Variants in SORL1 observed in about 807,000 individuals in gnomAD.
SORL1 encodes the protein sortilin-related receptor.
A neutral mutation model predicts 273.7 loss-of-function variants in SORL1; 127 were observed. The observed-to-expected ratio is 0.46, with a 90% confidence interval of 0.40 to 0.54. The LOEUF is 0.54. Ranked by LOEUF, SORL1 falls within the 20% of genes least tolerant of loss-of-function variation. The probability of loss-of-function intolerance (pLI) is 0.00; values close to 1 mark genes in which losing one functional copy is unlikely to be tolerated. For synonymous variants in SORL1, 1,031 were observed against 1,067.4 expected, an observed-to-expected ratio of 0.97 and a Z score of 0.66; for missense variants, 2,494 against 2,846.1, an observed-to-expected ratio of 0.88 and a Z score of 2.81.
At position 121,629,841 on chromosome 11, in the gene SORL1, C is replaced by A. The variant is rs914908107; in HGVS notation, c.*278C>A. 7.7e-6 allele frequency: 3 copies of A among 389,134 alleles called. No homozygotes were observed. The highest frequency in any genetic ancestry group is 4.1e-5 in the African/African-American group (2 of 48,450). 24.1% of individuals were successfully genotyped at this position (389,134 alleles called of 1,614,324 possible). A position where few individuals can be genotyped will look rare whatever the true frequency, so the allele number is the denominator to read the frequency against. ...GTGCTTGCTGGGCATGCTTTTACGT[C>A]TGTGAGATAATTTCGGTTCAGTAAA... On this transcript the variant is annotated 3_prime_UTR_variant, in exon 48 of 48. Coordinates refer to ENST00000260197, the MANE Select transcript of SORL1 (RefSeq NM_003105.6).
intron 31 of SORL1, 74 bp downstream of exon 31, chr11:121,591,230 C>T (rs1863210200): frequency 1.3e-6 from 2 of 1,529,588 alleles, no homozygotes; most frequent in African/African-American, 1.4e-5. Flanking sequence ...GTGCTCTGGG[C>T]ACAATCCAAC....
rs1862026676 is a variant in SORL1, at chr11:121,520,683, A to G, written c.1238A>G (p.Asp413Gly). ...TATTTTGCAAATGAACCATTTGCTG[A>G]CTTCCACCGAGTGGAAGGATTGCAA... ...VRYFANEPFA[D>G]FHRVEGLQGV... Residue 413 changes from aspartate (D) to glycine (G), a missense_variant, in exon 9 of 48, where the codon GAC becomes GGC. Asp to Gly is a moderately conservative substitution (Grantham distance 94). Transcript: ENST00000260197. 2.5e-6 allele frequency: 4 copies of G among 1,581,368 alleles called. No homozygotes were observed. Among genetic ancestry groups the G allele is most frequent in the East Asian group, 2.3e-5 (1 of 43,738 alleles).
intron 11 of SORL1, among the ~76,000 whole-genome samples, chr11:121,524,996 A>G (rs1862100246): frequency 1.3e-5 from 2 of 152,220 alleles, no homozygotes; most frequent in South Asian, 4.1e-4. Flanking sequence ...ATAAGGGGAC[A>G]GTACACTGCA....
At chr11:121,497,908 T>G (rs186929119) in intron 6 of SORL1, among the ~76,000 whole-genome samples, 31 of 152,294 alleles carry the variant, frequency 2.0e-4, no homozygotes, top group Non-Finnish European at 3.5e-4. Context: ...AATCTTTTCC[T>G]TCAGATTCTC....
At chr11:121,584,250 A>C (rs182294910) in intron 26 of SORL1, among the ~76,000 whole-genome samples, 1 of 152,350 alleles carries the variant, frequency 6.6e-6, no homozygotes, top group East Asian at 1.9e-4. Context: ...ATTACATCAA[A>C]TGTGTCTCTA....
chr11:121,608,395 C>T, intron 38 of SORL1: 1 of 525,796 alleles, frequency 1.9e-6, no homozygotes, highest in Non-Finnish European at 3.4e-6. Context: ...TTGAGCATTT[C>T]TTCTAATGCA....
At chr11:121,610,332 G>C (rs888254321) in intron 38 of SORL1, 1 of 152,262 alleles carries the variant, frequency 6.6e-6, no homozygotes, top group Non-Finnish European at 1.5e-5. Context: ...GTTGAACTGA[G>C]AGGGGTCTTT....
chr11:121,480,905 A>G (rs1591556272), intron 3 of SORL1, among the ~76,000 whole-genome samples: 1 of 134,592 alleles, frequency 7.4e-6, no homozygotes. Flanking sequence ...ACAGATACCT[A>G]TAGGCAGGCT....
intron 34 of SORL1, 41 bp downstream of exon 34, chr11:121,605,280 T>C: frequency 6.3e-7 from 1 of 1,596,274 alleles, no homozygotes; most frequent in African/African-American, 1.3e-5. Context: ...AATGATGTCT[T>C]CATTGCCCCA....
chr11:121,482,027 A>T lies in SORL1; in HGVS notation c.528+3784A>T, dbSNP rs895548513. ...CCCCAGCTTCTTCCATAGTACACAG[A>T]TGCCTATAGGTGGGTTCTGACTTCC... On this transcript the variant is annotated intron_variant, in intron 3 of 47. Transcript: ENST00000260197. Among the ~76,000 whole-genome samples, 4 of 152,334 alleles carry T rather than the reference A, an allele frequency of 2.6e-5. No homozygotes were observed. In the East Asian group the frequency reaches 5.8e-4, roughly 22 times the overall value.
At chr11:121,509,767 A>T (rs1861846997) in intron 6 of SORL1, among the ~76,000 whole-genome samples, 1 of 152,190 alleles carries the variant, frequency 6.6e-6, no homozygotes, top group African/African-American at 2.4e-5. Context: ...GAGCCACTGC[A>T]CCCAGCAGAA....
At chr11:121,569,867 C>T (rs1200090236) in intron 22 of SORL1, among the ~76,000 whole-genome samples, 14 of 152,276 alleles carry the variant, frequency 9.2e-5, no homozygotes, top group Middle Eastern at 3.4e-3. Flanking sequence ...GGTGGTTTTA[C>T]GGCTCAGGGG....
intron 43 of SORL1, 146 bp from the exon 44 acceptor site, chr11:121,620,918 C>T: frequency 1.6e-6 from 1 of 611,452 alleles, no homozygotes; most frequent in Non-Finnish European, 2.8e-6. Flanking sequence ...AAAGGCCTTC[C>T]AAAGAATGGA....
intron 19 of SORL1, 132 bp from the exon 20 acceptor site, chr11:121,558,459 A>G (rs978358167): frequency 2.2e-6 from 2 of 895,828 alleles, no homozygotes; most frequent in Admixed American, 2.2e-5. Flanking sequence ...TTGTCATTAC[A>G]TATTGTTATA....
chr11:121,587,340 G>A (rs1863131186), intron 27 of SORL1, among the ~76,000 whole-genome samples: 1 of 152,206 alleles, frequency 6.6e-6, no homozygotes, highest in African/African-American at 2.4e-5. Context: ...TATAGTTCAA[G>A]TCCAAAGGCT....
Position 121,605,226 on chromosome 11 carries a change from A to G in SORL1, c.4765A>G (p.Asn1589Asp), listed in dbSNP as rs1863451285. The change falls in exon 34 of 48, where the codon AAT becomes GAT. Residue 1589 changes from asparagine (N) to aspartate (D), a missense_variant. By Grantham distance (23) the Asn-to-Asp change is conservative. Coordinates refer to ENST00000260197, the MANE Select transcript of SORL1 (RefSeq NM_003105.6). ...KKMPSASCVY[N>D]VYYRVVGESI... ...AATGCCCTCTGCTTCTTGTGTATAT[A>G]ATGTCTACTACAGGTAGGTCCCATC... 1 of 1,612,552 alleles carries G rather than the reference A, an allele frequency of 6.2e-7. No homozygotes were observed. The highest frequency in any genetic ancestry group is 8.5e-7 in the Non-Finnish European group (1 of 1,179,470).
At chr11:121,616,079 C>G (rs1016328539) in intron 41 of SORL1, among the ~76,000 whole-genome samples, 7 of 152,166 alleles carry the variant, frequency 4.6e-5, no homozygotes, top group Non-Finnish European at 8.8e-5. Flanking sequence ...CCGGAGCTCT[C>G]TTTTACCTGG....
intron 2 of SORL1, among the ~76,000 whole-genome samples, chr11:121,476,699 C>G (rs966297754): frequency 4.0e-5 from 6 of 149,326 alleles, no homozygotes; most frequent in African/African-American, 1.2e-4. Context: ...TCCTTCCCTC[C>G]CTCCCTTCCT....
intron 11 of SORL1, among the ~76,000 whole-genome samples, chr11:121,530,111 G>C (rs1327092855): frequency 6.6e-6 from 1 of 152,046 alleles, no homozygotes. Context: ...CCACCTATAT[G>C]TTATTTTCAT....
Sources: allele counts gnomAD v4.1 joint callset (sites outside exome capture counted in the v4.1 genomes callset), GRCh38; gene constraint gnomAD v4.1.1; transcripts MANE v1.5; gene names NCBI Gene and HGNC (gene_info 2026-07-23, HGNC 2026-07-21).